ZRSR2: variants seen among roughly 807,000 people sequenced by gnomAD.
ZRSR2 encodes the protein zinc finger CCCH-type, RNA binding motif and serine/arginine rich 2.
Under a neutral mutation model 39.4 loss-of-function variants are expected in ZRSR2, and 3 were observed. That is an observed-to-expected ratio of 0.08 (90% CI 0.03 to 0.20). The LOEUF (loss-of-function observed/expected upper bound fraction) is 0.20. Among genes scored for constraint, ZRSR2 ranks in the 10% least tolerant of loss-of-function variants. ZRSR2 has a pLI of 1.00. For missense variants in ZRSR2, 256 were observed against 391.5 expected (o/e 0.65, Z 2.92); for synonymous variants, 137 against 136.0 (o/e 1.01, Z -0.05).
chrX:15,823,038 G>T lies in ZRSR2; in HGVS notation c.1245G>T (p.Arg415=). 8.3e-7 allele frequency: 1 copy of T among 1,212,057 alleles called. No homozygotes were observed. Among genetic ancestry groups the T allele is most frequent in the South Asian group, 1.8e-5 (1 of 57,001 alleles). The part of the protein sequence containing the change: ...KKSHKRTSKS[R]ERHNSRSRGR... Reference sequence around the variant, plus strand: ...CTCACAAACGCACATCAAAGAGTCGGGAGAGGCACAATTCACGAAGCAGAG... The same window carrying T: ...CTCACAAACGCACATCAAAGAGTCGTGAGAGGCACAATTCACGAAGCAGAG... The change falls in exon 11 of 11, where the codon CGG becomes CGT. Residue 415 remains arginine (R), a synonymous_variant. Transcript: ENST00000307771.
In ZRSR2 at chrX:15,815,897, A is replaced by T. The variant is rs377729283; in HGVS notation, c.771+7A>T. ...GAAAGTGATTCAGTTCAAGGTGGGC[A>T]TGCGTGTGGAGGAGGGGACTGGTTT... On this transcript the variant is annotated splice_region_variant and intron_variant, in intron 8 of 10. Transcript: ENST00000307771. 12 of 1,191,318 alleles carry T rather than the reference A, an allele frequency of 1.0e-5. No individual in the cohort carries two copies. Among genetic ancestry groups the T allele is most frequent in the Non-Finnish European group, 1.4e-5 (12 of 884,002 alleles).
chrX:15,807,280 T>C (rs1048649069), intron 5 of ZRSR2, among the ~76,000 whole-genome samples: 1 of 111,569 alleles, frequency 9.0e-6, no homozygotes, highest in African/African-American at 3.3e-5. Context: ...TTTGGGTTTT[T>C]TCGTTTGTTT....
rs774855472 is a variant in ZRSR2, at chrX:15,818,597, A to G, written c.782A>G (p.Asn261Ser). ...TTCATTGCTCCCTAGGTCAGCTGCAATTTGGAACCTCACCTGAGGGGCAAT... is the reference window on the plus strand; with the variant it reads ...TTCATTGCTCCCTAGGTCAGCTGCAGTTTGGAACCTCACCTGAGGGGCAAT... The part of the protein sequence containing the change: ...GKVIQFKVSC[N>S]LEPHLRGNVY... Residue 261 changes from asparagine (N) to serine (S), a missense_variant, in exon 9 of 11, where the codon AAT (asparagine) becomes AGT (serine). Coordinates refer to ENST00000307771, the MANE Select transcript of ZRSR2 (RefSeq NM_005089.4). 1 of 1,206,193 alleles carries G rather than the reference A, an allele frequency of 8.3e-7. No homozygotes were observed. The highest frequency in any genetic ancestry group is 1.8e-5 in the African/African-American group (1 of 56,725).
chrX:15,792,925 G>A (rs1013022205), intron 2 of ZRSR2, among the ~76,000 whole-genome samples: 3 of 111,986 alleles, frequency 2.7e-5, no homozygotes, highest in Admixed American at 9.5e-5. Flanking sequence ...TAGCCATAGA[G>A]GTTTTATTTA....
At chrX:15,820,496 A>G (rs1933080720) in intron 10 of ZRSR2, among the ~76,000 whole-genome samples, 180 bp downstream of exon 10, 1 of 111,849 alleles carries the variant, frequency 8.9e-6, no homozygotes, top group Admixed American at 9.5e-5. Flanking sequence ...GACCTCAATG[A>G]GTCACTTGAT....
chrX:15,820,330 T>C lies in ZRSR2; in HGVS notation c.937+14T>C. The C allele has an allele frequency of 1.7e-6, 2 of 1,186,169 alleles. No individual in the cohort carries two copies. The highest frequency in any genetic ancestry group is 2.3e-6 in the Non-Finnish European group (2 of 872,824). ...TGGCGATTTGTGGTAAAAGACAAAG[T>C]GATGATTTTTTTCCTCAATTGTTCC... On this transcript the variant is annotated intron_variant, in intron 10 of 10. Transcript: ENST00000307771.
chrX:15,814,542 T>C (rs1932933629), intron 7 of ZRSR2, among the ~76,000 whole-genome samples: 1 of 112,097 alleles, frequency 8.9e-6, no homozygotes, highest in South Asian at 3.7e-4. Flanking sequence ...GGCAGAAGGA[T>C]CACTTGAGCC....
At chrX:15,804,050 T>A (rs1278706461) in intron 4 of ZRSR2, 61 bp from the exon 5 acceptor site, 4 of 1,100,646 alleles carry the variant, frequency 3.6e-6, no homozygotes, top group Non-Finnish European at 4.7e-6. Flanking sequence ...CTATGTGCGC[T>A]GTATGTGAAA....
chrX:15,803,865 G>A (rs1932749745), intron 4 of ZRSR2, 69 bp downstream of exon 4: 26 of 1,149,486 alleles, frequency 2.3e-5, no homozygotes, highest in Non-Finnish European at 2.9e-5. Flanking sequence ...ATGAAGAGTT[G>A]CCTATCTTGG....
chrX:15,807,397 C>T (rs968542761), intron 5 of ZRSR2, among the ~76,000 whole-genome samples: 1 of 109,989 alleles, frequency 9.1e-6, no homozygotes, highest in African/African-American at 3.3e-5. Flanking sequence ...TCAAGCGATT[C>T]TCCTGTCTCA....
At chrX:15,791,062 A>T in intron 2 of ZRSR2, 49 bp downstream of exon 2, 1 of 1,092,869 alleles carries the variant, frequency 9.2e-7, no homozygotes. Context: ...TGCTCTGTCC[A>T]CTCCAGCCCT....
At chrX:15,800,076 C>T (rs1932615740) in intron 3 of ZRSR2, 123 bp downstream of exon 3, 3 of 371,506 alleles carry the variant, frequency 8.1e-6, no homozygotes, top group Non-Finnish European at 1.3e-5. Flanking sequence ...ATAAAATATC[C>T]TGTATAAAGT....
intron 7 of ZRSR2, among the ~76,000 whole-genome samples, chrX:15,809,677 T>A (rs1163565891): frequency 1.8e-5 from 2 of 112,212 alleles, no homozygotes; most frequent in Non-Finnish European, 3.8e-5. Flanking sequence ...AGCTTGGCTT[T>A]ATTTTTTGAA....
In ZRSR2 at chrX:15,790,518, C is replaced by T. The variant is rs747435591; in HGVS notation, c.23C>T (p.Thr8Met). ...AAGATGGCTGCGCCCGAGAAGATGA[C>T]GTTTCCCGAGAAACCAAGGTAAGCG... MAAPEKM[T>M]FPEKPSHKKY... Residue 8 changes from threonine to methionine, a missense_variant, in exon 1 of 11, where the codon ACG (threonine) becomes ATG (methionine). Thr to Met is a moderately conservative substitution (Grantham distance 81, BLOSUM62 -1). Around this residue, in one of 3 missense-constraint regions of ZRSR2, gnomAD observed 87 missense variants for 111.7 expected, o/e 0.78. Coordinates refer to ENST00000307771, the MANE Select transcript of ZRSR2 (RefSeq NM_005089.4). 4 of 1,160,432 alleles carry T rather than the reference C, an allele frequency of 3.4e-6. No homozygotes were observed. The highest frequency in any genetic ancestry group is 4.6e-6 in the Non-Finnish European group (4 of 871,192).
chrX:15,794,331 C>T (rs1306843378), intron 2 of ZRSR2, among the ~76,000 whole-genome samples: 1 of 110,241 alleles, frequency 9.1e-6, no homozygotes, highest in African/African-American at 3.3e-5. Flanking sequence ...TCTGACCGCC[C>T]CCCGCCCCTC....
chrX:15,814,053 T>C (rs1932924324), intron 7 of ZRSR2, among the ~76,000 whole-genome samples: 1 of 86,348 alleles, frequency 1.2e-5, no homozygotes, highest in Non-Finnish European at 2.2e-5. Flanking sequence ...TCTTTCTTCC[T>C]AAATTCTGTG....
In ZRSR2 at chrX:15,823,167, C is replaced by T. The variant is rs1933168443; in HGVS notation, c.1374C>T (p.Ser458=). The T allele has an allele frequency of 2.5e-6, 3 of 1,202,755 alleles. No individual in the cohort carries two copies. Among genetic ancestry groups the T allele is most frequent in the Admixed American group, 2.2e-5 (1 of 44,784 alleles). The change falls in exon 11 of 11, where the codon TCC becomes TCT. Residue 458 remains serine (S), a synonymous_variant. Transcript: ENST00000307771. ...GCCGCCGCAGCCGGAGCCAAAGTTCCTCTAGGTCCCGAAGTCGTGGCAGGA... is the reference window on the plus strand; with the variant it reads ...GCCGCCGCAGCCGGAGCCAAAGTTCTTCTAGGTCCCGAAGTCGTGGCAGGA... ...RRSRRSRSQS[S]SRSRSRGRRR... is the part of the protein sequence containing the mutation.
At chrX:15,821,157 G>A (rs921546428) in intron 10 of ZRSR2, among the ~76,000 whole-genome samples, 1 of 111,040 alleles carries the variant, frequency 9.0e-6, no homozygotes, top group African/African-American at 3.3e-5. Context: ...TAGGATTCCT[G>A]GCTAAGGGAA....
intron 2 of ZRSR2, among the ~76,000 whole-genome samples, chrX:15,792,430 A>C (rs1349288286): frequency 8.9e-6 from 1 of 112,248 alleles, no homozygotes; most frequent in Admixed American, 9.4e-5. Context: ...TCAAAAAACA[A>C]ACAAACAAAT....
Sources: allele counts gnomAD v4.1 joint callset (sites outside exome capture counted in the v4.1 genomes callset), GRCh38; gene constraint gnomAD v4.1.1; regional missense constraint gnomAD v4.1.1; transcripts MANE v1.5; gene names NCBI Gene and HGNC (gene_info 2026-07-23, HGNC 2026-07-21).